Variants in RALGPS1 observed in about 807,000 individuals in gnomAD.
RALGPS1 encodes the protein ras-specific guanine nucleotide-releasing factor RalGPS1.
Under a neutral mutation model 78.8 loss-of-function variants are expected in RALGPS1, and 19 were observed. That is an observed-to-expected ratio of 0.24 (90% CI 0.17 to 0.35). The LOEUF is 0.35. Ranked by LOEUF, RALGPS1 falls within the 10% of genes least tolerant of loss-of-function variation. The pLI is 1.00. For missense variants in RALGPS1, 454 were observed against 688.3 expected (o/e 0.66, Z 3.81); for synonymous variants, 228 against 256.3 (o/e 0.89, Z 1.06).
chr9:127,134,423 A>G (rs1461061846), intron 8 of RALGPS1, among the ~76,000 whole-genome samples: 1 of 152,120 alleles, frequency 6.6e-6, no homozygotes, highest in Non-Finnish European at 1.5e-5. Flanking sequence ...TTCCCCACCT[A>G]AGACCCCTTT....
intron 11 of RALGPS1, among the ~76,000 whole-genome samples, chr9:127,184,964 A>G (rs754838002): frequency 4.6e-5 from 7 of 152,336 alleles, no homozygotes; most frequent in African/African-American, 7.2e-5. Context: ...TGCTGCCGGA[A>G]ATCCGTGGGA....
intron 8 of RALGPS1, among the ~76,000 whole-genome samples, chr9:127,151,185 AAAAAAAAGAGAG>A (rs1588183149): frequency 1.3e-5 from 2 of 151,802 alleles, no homozygotes; most frequent in East Asian, 1.9e-4. Context: ...TCCGTCTCAA[AAAAAAAAGAGAG>A]AAAAAAAGAG....
At chr9:126,959,274 C>T (rs1187940926) in intron 1 of RALGPS1, among the ~76,000 whole-genome samples, 27 of 152,142 alleles carry the variant, frequency 1.8e-4, no homozygotes, top group Admixed American at 1.8e-3. Context: ...GTTGGCCAGG[C>T]TGGTCTCAAA....
rs113413659 is a variant in RALGPS1, at chr9:126,958,142, A to AAAAAAAAAAAAT, written c.-65-4082_-65-4081insAAAAAAAAAATA. ...CTGTCTCTTTAAAAAAAAAAAAAAA[A>AAAAAAAAAAAAT]ATATATATATATATATACACACACA... On this transcript the variant is annotated intron_variant, in intron 1 of 18. Transcript: ENST00000259351. Among the ~76,000 whole-genome samples, 307 of 76,874 alleles carry AAAAAAAAAAAAT rather than the reference A, an allele frequency of 4.0e-3. 3 individuals are homozygous for AAAAAAAAAAAAT. Among genetic ancestry groups the AAAAAAAAAAAAT allele is most frequent in the Non-Finnish European group, 5.7e-3 (205 of 36,176 alleles). The allele number at this position is 76,874 out of a possible 152,430, so 50.4% of individuals were successfully genotyped here.
intron 8 of RALGPS1, among the ~76,000 whole-genome samples, chr9:127,133,543 G>A (rs961513405): frequency 3.3e-5 from 5 of 152,188 alleles, no homozygotes; most frequent in African/African-American, 9.7e-5. Flanking sequence ...GGACCCAGTA[G>A]GGACAAGCCC....
At chr9:127,168,169 G>A (rs1000240331) in intron 9 of RALGPS1, among the ~76,000 whole-genome samples, 1 of 152,248 alleles carries the variant, frequency 6.6e-6, no homozygotes, top group East Asian at 1.9e-4. Context: ...TTCCTAGGGT[G>A]CAGCAGCTCC....
intron 4 of RALGPS1, among the ~76,000 whole-genome samples, chr9:126,990,522 T>A (rs1009171520): frequency 3.9e-5 from 6 of 152,168 alleles, no homozygotes; most frequent in African/African-American, 1.4e-4. Flanking sequence ...TCTCTCCTGC[T>A]CCAGTTCACC....
At chr9:127,125,284 G>A (rs2056525411) in intron 8 of RALGPS1, among the ~76,000 whole-genome samples, 1 of 152,226 alleles carries the variant, frequency 6.6e-6, no homozygotes, top group South Asian at 2.1e-4. Context: ...CCTGAGGCAG[G>A]GGTGTGTGCG....
chr9:127,083,405 C>G (rs12344323), intron 8 of RALGPS1, among the ~76,000 whole-genome samples: 12,346 of 152,242 alleles, frequency 0.081, 1,646 homozygotes, highest in African/African-American at 0.28. Context: ...TGCCATGTGC[C>G]AGGACAACTG....
intron 8 of RALGPS1, among the ~76,000 whole-genome samples, chr9:127,129,265 G>A (rs1026387329): frequency 3.3e-5 from 5 of 152,180 alleles, no homozygotes; most frequent in African/African-American, 1.2e-4. Flanking sequence ...TCATTTGCTG[G>A]TTTGCTTTGT....
intron 8 of RALGPS1, chr9:127,108,446 G>C (rs1167710116): frequency 6.2e-7 from 1 of 1,610,358 alleles, no homozygotes; most frequent in Non-Finnish European, 8.5e-7. Flanking sequence ...TGCTTGAGCA[G>C]CTCATTGTTG....
At position 127,220,378 on chromosome 9, in the gene RALGPS1, T is replaced by G. The variant is rs1052615885; in HGVS notation, c.*1609T>G. On this transcript the variant is annotated 3_prime_UTR_variant, in exon 19 of 19. Coordinates refer to ENST00000259351, the MANE Select transcript of RALGPS1 (RefSeq NM_014636.3). ...ATTTTGACCAAATAATGACAACTTCTTTAGAAATTTGAATGGCTTGGTGAG... is the reference window on the plus strand; with the variant it reads ...ATTTTGACCAAATAATGACAACTTCGTTAGAAATTTGAATGGCTTGGTGAG... 1.3e-5 allele frequency: 2 copies of G among 152,212 alleles called. No individual in the cohort carries two copies. The highest frequency in any genetic ancestry group is 2.9e-5 in the Non-Finnish European group (2 of 68,038). 9.4% of individuals were successfully genotyped at this position (152,212 alleles called of 1,614,324 possible).
intron 4 of RALGPS1, among the ~76,000 whole-genome samples, chr9:126,989,358 G>A (rs189948002): frequency 8.9e-4 from 135 of 152,284 alleles, no homozygotes; most frequent in African/African-American, 3.2e-3. Flanking sequence ...GAGAATGGGA[G>A]GAGGGGAAGA....
intron 4 of RALGPS1, 142 bp from the exon 5 acceptor site, chr9:127,034,289 C>T: frequency 1.4e-6 from 1 of 712,148 alleles, no homozygotes; most frequent in Non-Finnish European, 2.5e-6. Flanking sequence ...CCCAGCCCTT[C>T]TCTTCCACCT....
intron 5 of RALGPS1, among the ~76,000 whole-genome samples, chr9:127,041,556 C>T (rs1334686362): frequency 3.9e-5 from 6 of 152,206 alleles, no homozygotes; most frequent in African/African-American, 1.4e-4. Flanking sequence ...GTGTAGTAAT[C>T]TTGCTTTTCT....
intron 8 of RALGPS1, among the ~76,000 whole-genome samples, chr9:127,142,024 T>C (rs2057813692): frequency 6.6e-6 from 1 of 152,192 alleles, no homozygotes; most frequent in Admixed American, 6.5e-5. Context: ...AATCCAGCCT[T>C]GCGTAGGTCT....
At chr9:127,121,562 CA>C (rs766273503) in intron 8 of RALGPS1, among the ~76,000 whole-genome samples, 7 of 152,254 alleles carry the variant, frequency 4.6e-5, no homozygotes, top group Non-Finnish European at 7.3e-5. Context: ...AGGGAAGGAT[CA>C]GTGAAGAATT....
At chr9:127,110,566 A>C (rs985700579) in intron 8 of RALGPS1, among the ~76,000 whole-genome samples, 2 of 152,262 alleles carry the variant, frequency 1.3e-5, no homozygotes, top group African/African-American at 4.8e-5. Flanking sequence ...ACTCATACAT[A>C]CAGCTGCTTT....
intron 3 of RALGPS1, among the ~76,000 whole-genome samples, chr9:126,966,791 A>T (rs2039547275): frequency 6.6e-6 from 1 of 152,204 alleles, no homozygotes; most frequent in African/African-American, 2.4e-5. Flanking sequence ...ATAAATTAAA[A>T]AAAAAGATAT....
Sources: gnomAD v4.1 joint callset for allele counts (sites outside exome capture counted in the v4.1 genomes callset) on GRCh38, gnomAD v4.1.1 for gene constraint, MANE v1.5 for transcripts, NCBI Gene and HGNC (gene_info 2026-07-23, HGNC 2026-07-21) for gene names.